The following REDIC1 variants were observed in gnomAD, a reference collection of about 807,000 sequenced individuals.
REDIC1 encodes the protein HEI10 Interacting Protein 1.
At chr12:39,786,805 A>G in the REDIC1 span, among the ~76,000 whole-genome samples, 1 of 152,160 alleles carries the variant, frequency 6.6e-6, no homozygotes, top group Non-Finnish European at 1.5e-5. Context: ...TCTCTCCTGT[A>G]ACAGGTGCAA....
the REDIC1 span, among the ~76,000 whole-genome samples, chr12:39,773,037 A>C: frequency 7.9e-5 from 12 of 152,346 alleles, no homozygotes; most frequent in East Asian, 7.7e-4. Context: ...TGCAGATTTC[A>C]AACATTATTG....
the REDIC1 span, among the ~76,000 whole-genome samples, chr12:39,843,284 T>G: frequency 6.2e-3 from 944 of 152,128 alleles, 12 homozygotes; most frequent in African/African-American, 0.021. Context: ...TCCAAATCAG[T>G]GCTAGAAATT....
the REDIC1 span, among the ~76,000 whole-genome samples, chr12:39,852,786 C>T: frequency 6.6e-6 from 1 of 152,196 alleles, no homozygotes. Context: ...TGAAACCAAT[C>T]AGATTGGTTG....
chr12:39,665,530 G>A, the REDIC1 span, among the ~76,000 whole-genome samples: 1 of 149,582 alleles, frequency 6.7e-6, no homozygotes, highest in Non-Finnish European at 1.5e-5. Flanking sequence ...TTGTTCTTTT[G>A]GCTTAGGATT....
chr12:39,842,125 T>C, the REDIC1 span, among the ~76,000 whole-genome samples: 3 of 152,072 alleles, frequency 2.0e-5, no homozygotes, highest in African/African-American at 4.8e-5. Flanking sequence ...AACCTAAGGA[T>C]GTTGACTTCC....
chr12:39,717,063 T>C, the REDIC1 span, among the ~76,000 whole-genome samples: 1 of 151,470 alleles, frequency 6.6e-6, no homozygotes, highest in Non-Finnish European at 1.5e-5. Flanking sequence ...TTTGTAAAAA[T>C]GCATTTATTG....
chr12:39,702,117 C>CA, the REDIC1 span, among the ~76,000 whole-genome samples: 8 of 152,022 alleles, frequency 5.3e-5, no homozygotes, highest in East Asian at 1.5e-3. Flanking sequence ...AATAGAGACA[C>CA]AAAAAACCCT....
chr12:39,702,169 T>A, the REDIC1 span, among the ~76,000 whole-genome samples: 1 of 151,670 alleles, frequency 6.6e-6, no homozygotes, highest in South Asian at 2.1e-4. Context: ...TTTGAAAGGA[T>A]CAACAAAATT....
the REDIC1 span, chr12:39,757,242 A>G: frequency 2.6e-5 from 4 of 151,824 alleles, no homozygotes; most frequent in Non-Finnish European, 5.9e-5. Context: ...TCAAATCTGC[A>G]GCATGTTTCA....
the REDIC1 span, among the ~76,000 whole-genome samples, chr12:39,782,043 C>T: frequency 6.6e-6 from 1 of 152,184 alleles, no homozygotes; most frequent in East Asian, 1.9e-4. Context: ...TGGGCTTGTA[C>T]TTGGTGGGGT....
the REDIC1 span, among the ~76,000 whole-genome samples, chr12:39,712,052 GTATA>G: frequency 2.9e-5 from 4 of 137,758 alleles, no homozygotes; most frequent in Non-Finnish European, 6.3e-5. Flanking sequence ...CTACCTGTAT[GTATA>G]TATACATGTA....
At chr12:39,682,940 A>G in the REDIC1 span, 1 of 1,613,438 alleles carries the variant, frequency 6.2e-7, no homozygotes, top group African/African-American at 1.3e-5. Context: ...TCTGATAAAA[A>G]CCATGTCACT....
chr12:39,815,630 C>A, the REDIC1 span, among the ~76,000 whole-genome samples: 47 of 152,228 alleles, frequency 3.1e-4, no homozygotes, highest in Non-Finnish European at 4.3e-4. Flanking sequence ...ATAAAAATAA[C>A]CATAATGCAA....
the REDIC1 span, among the ~76,000 whole-genome samples, chr12:39,740,341 AT>A: frequency 0.016 from 2,463 of 152,114 alleles, 64 homozygotes; most frequent in African/African-American, 0.054. Flanking sequence ...TTTTTTCAGA[AT>A]TTTTTTTAGC....
chr12:39,882,589 T>TC, the REDIC1 span, among the ~76,000 whole-genome samples: 1 of 152,212 alleles, frequency 6.6e-6, no homozygotes, highest in Non-Finnish European at 1.5e-5. Context: ...TTCCCTTCTT[T>TC]CCACTATCCC....
the REDIC1 span, among the ~76,000 whole-genome samples, chr12:39,858,343 C>T: frequency 1.3e-5 from 2 of 152,118 alleles, no homozygotes; most frequent in African/African-American, 4.8e-5. Context: ...ACACATACAA[C>T]ATTGTTTTCT....
chr12:39,776,791 G>A, the REDIC1 span, among the ~76,000 whole-genome samples: 2 of 152,190 alleles, frequency 1.3e-5, no homozygotes, highest in African/African-American at 2.4e-5. Context: ...CATTAACTGA[G>A]GAAATCAAGC....
chr12:39,764,610 T>C, the REDIC1 span: 1 of 1,587,536 alleles, frequency 6.3e-7, no homozygotes, highest in Non-Finnish European at 8.5e-7. Context: ...ATTGGTCCCA[T>C]TCCTGAGAAA....
chr12:39,891,151 G>A, the REDIC1 span, among the ~76,000 whole-genome samples: 7 of 149,216 alleles, frequency 4.7e-5, no homozygotes, highest in Non-Finnish European at 4.4e-5. Flanking sequence ...TTTTGAGGAT[G>A]CATCTAGGAT....
Sources: allele counts gnomAD v4.1 joint callset (sites outside exome capture counted in the v4.1 genomes callset), GRCh38; gene constraint gnomAD v4.1.1; transcripts MANE v1.5; gene names NCBI Gene and HGNC (gene_info 2026-07-23, HGNC 2026-07-21).